The following ABCF2 variants were observed in gnomAD, a reference collection of about 807,000 sequenced individuals.
ABCF2 encodes ATP-binding cassette sub-family F member 2.
A neutral mutation model predicts 76.9 loss-of-function variants in ABCF2; 37 were observed. The observed-to-expected ratio is 0.48, with a 90% confidence interval of 0.37 to 0.63. The LOEUF (loss-of-function observed/expected upper bound fraction) is 0.63, where lower values mean the gene tolerates loss of function less well. Ranked by LOEUF, ABCF2 falls within the 30% of genes least tolerant of loss-of-function variation. ABCF2 has a pLI of 0.00. For synonymous variants in ABCF2, 299 were observed against 283.7 expected (o/e 1.05, Z -0.54); for missense variants, 524 against 782.1 (o/e 0.67, Z 3.94).
At position 151,219,064 on chromosome 7, in the gene ABCF2, C is replaced by T; in HGVS notation, c.1017G>A (p.Lys339=). ...HWEQDQIAHM[K]NYIARFGHGS... is the part of the protein sequence containing the mutation. ...GAGCCTGACTCTGCAGTCTCCCTAC[C>T]TTCATGTGTGCAATCTGATCTTGCT... is the stretch of plus-strand genomic sequence containing the variant. Residue 339 remains lysine, a splice_region_variant and synonymous_variant, in exon 8 of 15, where the codon AAG becomes AAA. Transcript: ENST00000287844. 1.9e-6 allele frequency: 3 copies of T among 1,614,092 alleles called. No homozygotes were observed. Among genetic ancestry groups the T allele is most frequent in the Non-Finnish European group, 2.5e-6 (3 of 1,179,998 alleles).
intron 7 of ABCF2, among the ~76,000 whole-genome samples, chr7:151,219,864 TGA>T (rs1301081657): frequency 3.3e-5 from 5 of 151,274 alleles, no homozygotes; most frequent in African/African-American, 1.2e-4. Context: ...TTTGGGAGGC[TGA>T]GGTGGGTGGA....
chr7:151,218,473 G>A, intron 10 of ABCF2, 88 bp downstream of exon 10: 1 of 1,190,536 alleles, frequency 8.4e-7, no homozygotes, highest in East Asian at 2.4e-5. Context: ...GCTAGCAGGT[G>A]TGGTCAGCAC....
At chr7:151,218,289 G>A in intron 10 of ABCF2, 98 bp from the exon 11 acceptor site, 1 of 885,180 alleles carries the variant, frequency 1.1e-6, no homozygotes, top group Non-Finnish European at 1.8e-6. Context: ...ACCAAGAGAG[G>A]AGGAAGGGAG....
In ABCF2 at chr7:151,214,055, C is replaced by T; in HGVS notation, c.1871G>A (p.Ter624=). 1 of 1,613,646 alleles carries T rather than the reference C, an allele frequency of 6.2e-7. No individual in the cohort carries two copies. The highest frequency in any genetic ancestry group is 2.2e-5 in the East Asian group (1 of 44,878). The part of the protein sequence containing the change: ...PQLTKRTHNV[*] ...CTGACCCGAACCCAGGTAGAGGGCT[C>T]ACACGTTGTGGGTCCTCTTGGTGAG... Residue 624 remains the stop codon, a stop_retained_variant, in exon 15 of 15, where the codon TGA becomes TAA. Coordinates refer to ENST00000287844, the MANE Select transcript of ABCF2 (RefSeq NM_007189.3). The surrounding 1 kb of genome is among the most constrained non-coding windows in gnomAD (Gnocchi z 4.9).
intron 10 of ABCF2, 26 bp downstream of exon 10, chr7:151,218,534 GC>G (rs1174540611): frequency 1.4e-5 from 22 of 1,595,410 alleles, no homozygotes; most frequent in Non-Finnish European, 1.8e-5. Context: ...ATACACCCCA[GC>G]CACCCATGCC....
Position 151,213,982 on chromosome 7 carries a change from C to T in ABCF2, c.*72G>A, listed in dbSNP as rs1351697335. ...CAGGAGTGTAGCCCCAGGGTCCTGT[C>T]CTGAGCGGCTGGTCAGGTTAGCAGC... On this transcript the variant is annotated 3_prime_UTR_variant, in exon 15 of 15. Coordinates refer to ENST00000287844, the MANE Select transcript of ABCF2 (RefSeq NM_007189.3). 1.3e-6 allele frequency: 2 copies of T among 1,592,924 alleles called. No individual in the cohort carries two copies. The highest frequency in any genetic ancestry group is 2.7e-5 in the African/African-American group (2 of 74,150).
chr7:151,211,781 T>C lies in ABCF2; in HGVS notation c.*2273A>G. ...TCTGGACTCTCAGGACAGACTAACC[T>C]GGGCCATTTTGCTCCAGGCCCCACT... is the stretch of plus-strand genomic sequence containing the variant. On this transcript the variant is annotated 3_prime_UTR_variant, in exon 15 of 15. Transcript: ENST00000287844. 3 of 985,410 alleles carry C rather than the reference T, an allele frequency of 3.0e-6. No homozygotes were observed. Among genetic ancestry groups the C allele is most frequent in the Non-Finnish European group, 3.6e-6 (3 of 829,934 alleles). The allele number at this position is 985,410 out of a possible 1,614,324, so 61.0% of individuals were successfully genotyped here.
intron 7 of ABCF2, among the ~76,000 whole-genome samples, chr7:151,221,103 G>A (rs1014388202): frequency 6.6e-6 from 1 of 152,194 alleles, no homozygotes; most frequent in Non-Finnish European, 1.5e-5. Context: ...CCTATGGCCT[G>A]AAAGCAATGA....
chr7:151,224,644 C>T, intron 3 of ABCF2, 132 bp downstream of exon 3: 1 of 824,926 alleles, frequency 1.2e-6, no homozygotes, highest in Non-Finnish European at 2.0e-6. Flanking sequence ...GTTCCTTTCC[C>T]CTGGACATAA....
intron 7 of ABCF2, 135 bp from the exon 8 acceptor site, chr7:151,219,294 G>C: frequency 1.3e-6 from 1 of 747,586 alleles, no homozygotes; most frequent in Non-Finnish European, 2.4e-6. Flanking sequence ...AAGAAGAGAG[G>C]ACGTGCATTA....
chr7:151,212,620 A>G lies in ABCF2; in HGVS notation c.*1434T>C. ...CAAGTGAGCCTCCTCTTATCAGAGCAGCTGGGACCGCAGGCACATGCTACT... is the reference window on the plus strand; with the variant it reads ...CAAGTGAGCCTCCTCTTATCAGAGCGGCTGGGACCGCAGGCACATGCTACT... On this transcript the variant is annotated 3_prime_UTR_variant, in exon 15 of 15. Transcript: ENST00000287844. 1 of 374,158 alleles carries G rather than the reference A, an allele frequency of 2.7e-6. No homozygotes were observed. Among genetic ancestry groups the G allele is most frequent in the Non-Finnish European group, 3.7e-6 (1 of 271,852 alleles). The allele number at this position is 374,158 out of a possible 1,614,324, so 23.2% of individuals were successfully genotyped here. A position where few individuals can be genotyped will look rare whatever the true frequency, so the allele number is the denominator to read the frequency against.
chr7:151,218,963 C>G, intron 8 of ABCF2, 90 bp from the exon 9 acceptor site: 5 of 1,608,966 alleles, frequency 3.1e-6, no homozygotes, highest in African/African-American at 1.3e-5. Context: ...GTAACTTCTT[C>G]CCGACATCCT....
intron 7 of ABCF2, among the ~76,000 whole-genome samples, chr7:151,220,120 G>A (rs956545298): frequency 2.7e-5 from 4 of 149,466 alleles, no homozygotes; most frequent in Non-Finnish European, 3.0e-5. Flanking sequence ...GGCCGGGTGC[G>A]GTGGCTCACG....
Position 151,218,754 on chromosome 7 carries a change from C to T in ABCF2, c.1137G>A (p.Lys379=), listed in dbSNP as rs770990449. The stretch of plus-strand genomic sequence containing the variant: ...CACACCCCACCCAATCACACCCCAC[C>T]TTATCGCTCACGACCCTCTCTGTCA... ...SGLTERVVSD[K]TLSFYFPPCG... The change falls in exon 9 of 15, where the codon AAG becomes AAA. Residue 379 remains lysine, a splice_region_variant and synonymous_variant. Coordinates refer to ENST00000287844, the MANE Select transcript of ABCF2 (RefSeq NM_007189.3). 6.2e-7 allele frequency: 1 copy of T among 1,613,862 alleles called. No homozygotes were observed. Among genetic ancestry groups the T allele is most frequent in the African/African-American group, 1.3e-5 (1 of 74,900 alleles).
chr7:151,224,208 C>G, intron 3 of ABCF2, 94 bp from the exon 4 acceptor site: 1 of 1,292,156 alleles, frequency 7.7e-7, no homozygotes, highest in Non-Finnish European at 1.1e-6. Context: ...GGGACCTCAT[C>G]CATTTTTTTT....
In ABCF2 at chr7:151,215,755, C is replaced by A; in HGVS notation, c.1402-23G>T. The A allele has an allele frequency of 6.2e-7, 1 of 1,614,072 alleles. No homozygotes were observed. The highest frequency in any genetic ancestry group is 1.1e-5 in the South Asian group (1 of 91,072). Reference sequence around the variant, plus strand: ...ATGCTACAGGAAAAATGGAAGCCACCCGGGTGTGACTGGCATCCCGCTTCA... The same window carrying A: ...ATGCTACAGGAAAAATGGAAGCCACACGGGTGTGACTGGCATCCCGCTTCA... On this transcript the variant is annotated intron_variant, in intron 12 of 14. Transcript: ENST00000287844. This position sits in a 1 kb window ranked among gnomAD's most constrained non-coding sequence, Gnocchi z 4.6.
chr7:151,219,050 T>C lies in ABCF2; in HGVS notation c.1017+14A>G. On this transcript the variant is annotated intron_variant, in intron 8 of 14. Transcript: ENST00000287844. ...AGACAGGAGGCCATGAGCCTGACTC[T>C]GCAGTCTCCCTACCTTCATGTGTGC... The C allele has an allele frequency of 3.7e-6, 6 of 1,613,664 alleles. No homozygotes were observed. The South Asian group carries it at 6.6e-5, about 18-fold the overall frequency.
chr7:151,219,740 A>C (rs1230242573), intron 7 of ABCF2, among the ~76,000 whole-genome samples: 2 of 152,236 alleles, frequency 1.3e-5, no homozygotes, highest in African/African-American at 4.8e-5. Context: ...ATTTATATAT[A>C]CTCACATGGA....
chr7:151,220,803 C>A (rs893564239), intron 7 of ABCF2, among the ~76,000 whole-genome samples: 1 of 152,222 alleles, frequency 6.6e-6, no homozygotes, highest in Non-Finnish European at 1.5e-5. Context: ...GCCTGGCCAA[C>A]ATGGCAAAAT....
Sources: allele counts gnomAD v4.1 joint callset (sites outside exome capture counted in the v4.1 genomes callset), GRCh38; gene constraint gnomAD v4.1.1; non-coding constraint Gnocchi (gnomAD v3.1); transcripts MANE v1.5; gene names NCBI Gene and HGNC (gene_info 2026-07-23, HGNC 2026-07-21).